The following BLTP1 variants were observed in gnomAD, a reference collection of about 807,000 sequenced individuals.
BLTP1 encodes the protein bridge-like lipid transfer protein family member 1, also known as fragile site-associated protein.
At chr4:122,156,005 T>C in the BLTP1 span, 1 of 966,492 alleles carries the variant, frequency 1.0e-6, no homozygotes. Flanking sequence ...ATAAATACTT[T>C]TGAGATGCTT....
At chr4:122,229,301 T>C in the BLTP1 span, 2 of 1,316,418 alleles carry the variant, frequency 1.5e-6, no homozygotes, top group South Asian at 3.1e-5. Context: ...AACCTCTATT[T>C]CTTGAAATAA....
chr4:122,327,384 A>G, the BLTP1 span, among the ~76,000 whole-genome samples: 1 of 151,772 alleles, frequency 6.6e-6, no homozygotes, highest in Admixed American at 6.6e-5. Flanking sequence ...TTCAAATGCT[A>G]TTGTAAACAG....
At chr4:122,316,713 T>TAC in the BLTP1 span, 6 of 1,598,814 alleles carry the variant, frequency 3.8e-6, no homozygotes, top group Non-Finnish European at 4.3e-6. Context: ...TATTGACAGA[T>TAC]ACACTTTTGA....
At chr4:122,302,077 A>C in the BLTP1 span, 2 of 241,378 alleles carry the variant, frequency 8.3e-6, no homozygotes, top group Non-Finnish European at 1.3e-5. Flanking sequence ...CTTAAAAAAC[A>C]AACAAAGACT....
At chr4:122,267,578 G>A in the BLTP1 span, 1 of 923,940 alleles carries the variant, frequency 1.1e-6, no homozygotes, top group African/African-American at 1.8e-5. Context: ...GAATTTTTAT[G>A]ATCTTAAGGG....
At chr4:122,170,440 C>A in the BLTP1 span, 2 of 966,734 alleles carry the variant, frequency 2.1e-6, no homozygotes. Flanking sequence ...CATTCTCTTA[C>A]ATTTTAGTAG....
At chr4:122,301,245 TAGTTATTTTTTTTCTTTAA>T in the BLTP1 span, 1 of 1,471,834 alleles carries the variant, frequency 6.8e-7, no homozygotes, top group Non-Finnish European at 9.0e-7. Context: ...ATGCACAAAA[TAGTTATTTTTTTTCTTTAA>T]AAAAAAAAAT....
the BLTP1 span, chr4:122,264,165 G>T: frequency 1.4e-6 from 2 of 1,409,024 alleles, no homozygotes; most frequent in East Asian, 2.5e-5. Context: ...TACTATACAG[G>T]CTTCAAAAGT....
At chr4:122,154,042 A>G in the BLTP1 span, 1 of 984,964 alleles carries the variant, frequency 1.0e-6, no homozygotes, top group Non-Finnish European at 1.2e-6. Flanking sequence ...AAGATGAAAC[A>G]CTGCAGAAAG....
At chr4:122,270,394 T>C in the BLTP1 span, 1 of 974,012 alleles carries the variant, frequency 1.0e-6, no homozygotes, top group Non-Finnish European at 1.2e-6. Flanking sequence ...TATTGGTAGC[T>C]GGTTTATAGA....
chr4:122,287,995 A>G, the BLTP1 span, among the ~76,000 whole-genome samples: 4,491 of 152,228 alleles, frequency 0.03, 225 homozygotes, highest in African/African-American at 0.1. Flanking sequence ...TAAGTTTGTA[A>G]CGAGGTGGAA....
At chr4:122,252,806 G>A in the BLTP1 span, among the ~76,000 whole-genome samples, 8 of 152,240 alleles carry the variant, frequency 5.3e-5, no homozygotes, top group East Asian at 1.9e-4. Flanking sequence ...GTGAGCAAAC[G>A]TAGGCAGAAG....
chr4:122,316,369 A>C, the BLTP1 span: 383 of 473,086 alleles, frequency 8.1e-4, 4 homozygotes, highest in African/African-American at 6.9e-3. Context: ...AAGTTCAATA[A>C]GTGGAGATGG....
the BLTP1 span, among the ~76,000 whole-genome samples, chr4:122,288,344 G>A: frequency 6.6e-6 from 1 of 152,030 alleles, no homozygotes; most frequent in Admixed American, 6.6e-5. Context: ...CACCTAACAT[G>A]GTACATAGAG....
At chr4:122,338,634 A>G in the BLTP1 span, among the ~76,000 whole-genome samples, 1 of 151,878 alleles carries the variant, frequency 6.6e-6, no homozygotes, top group Non-Finnish European at 1.5e-5. Context: ...GCCCCCTACC[A>G]TGTATACCGA....
At chr4:122,226,830 T>C in the BLTP1 span, 2 of 1,603,998 alleles carry the variant, frequency 1.2e-6, no homozygotes, top group South Asian at 1.1e-5. Flanking sequence ...GTTCTGTGAA[T>C]CCAAGGTATA....
chr4:122,183,355 T>TA, the BLTP1 span: 1 of 936,288 alleles, frequency 1.1e-6, no homozygotes, highest in East Asian at 1.2e-4. Context: ...AAAAAAAGCT[T>TA]AAACAATTTA....
the BLTP1 span, chr4:122,347,896 C>T: frequency 1.0e-5 from 5 of 494,568 alleles, no homozygotes; most frequent in African/African-American, 4.4e-5. Context: ...TTTTATGACA[C>T]GTCAAAAAAA....
chr4:122,157,660 C>T, the BLTP1 span, among the ~76,000 whole-genome samples: 2 of 152,222 alleles, frequency 1.3e-5, no homozygotes, highest in East Asian at 1.9e-4. Flanking sequence ...CAGTCTGCGG[C>T]CTGGGGGTTG....
Sources: allele counts gnomAD v4.1 joint callset (sites outside exome capture counted in the v4.1 genomes callset), GRCh38; gene constraint gnomAD v4.1.1; transcripts MANE v1.5; gene names NCBI Gene and HGNC (gene_info 2026-07-23, HGNC 2026-07-21).